ZNF98: variants seen among roughly 807,000 people sequenced by gnomAD.
The protein encoded by ZNF98 is zinc finger protein 739.
Under a neutral mutation model 12.8 loss-of-function variants are expected in ZNF98, and 8 were observed. The ratio of observed to expected loss-of-function variants is 0.63; its 90% confidence interval spans 0.37 to 1.13. ZNF98 has a LOEUF of 1.13. Ranked by LOEUF, ZNF98 falls within the 50% of genes most tolerant of loss-of-function variation. ZNF98 has a pLI of 0.01. For synonymous variants in ZNF98, 112 were observed against 223.5 expected, an observed-to-expected ratio of 0.50 and a Z score of 4.45; for missense variants, 379 against 666.1, an observed-to-expected ratio of 0.57 and a Z score of 4.74.
At chr19:22,393,481 C>G (rs1969355868) in intron 3 of ZNF98, among the ~76,000 whole-genome samples, 1 of 151,860 alleles carries the variant, frequency 6.6e-6, no homozygotes, top group Admixed American at 6.6e-5. Flanking sequence ...GGTACCAAAA[C>G]AGATATATAG....
At chr19:22,394,206 G>A (rs920357304) in intron 3 of ZNF98, among the ~76,000 whole-genome samples, 16 of 145,990 alleles carry the variant, frequency 1.1e-4, no homozygotes, top group Non-Finnish European at 1.1e-4. Context: ...GAGAGGATGT[G>A]GAGAAATAGA....
chr19:22,415,923 T>C (rs1599390898), intron 1 of ZNF98, among the ~76,000 whole-genome samples: 1 of 128,166 alleles, frequency 7.8e-6, no homozygotes, highest in Admixed American at 8.3e-5. Flanking sequence ...TGAAACCCCG[T>C]TCCTACTTAA....
Position 22,406,992 on chromosome 19 carries a change from G to A in ZNF98, c.31-3480C>T, listed in dbSNP as rs536142180. On this transcript the variant is annotated intron_variant, in intron 1 of 3. Transcript: ENST00000357774. ...TGATAACAAACTCCACTGAGCTAAA[G>A]GAGCATGTTCTAACCAAATGCAAAA... 2.0e-5 allele frequency among the ~76,000 whole-genome samples: 3 copies of A among 152,128 alleles called. No individual in the cohort carries two copies. In the East Asian group the frequency reaches 5.9e-4, roughly 30 times the overall value.
At position 22,403,521 on chromosome 19, in the gene ZNF98, C is replaced by T; in HGVS notation, c.31-9G>A. 6.3e-7 allele frequency: 1 copy of T among 1,588,036 alleles called. No homozygotes were observed. Among genetic ancestry groups the T allele is most frequent in the Non-Finnish European group, 8.5e-7 (1 of 1,172,450 alleles). On this transcript the variant is annotated splice_polypyrimidine_tract_variant and intron_variant, in intron 1 of 3. Transcript: ENST00000357774. ...CTAAATGTCAACACTCCCTGAAAAA[C>T]ATACAAACACACATACATATTTACC... is the stretch of plus-strand genomic sequence containing the variant.
rs1343335704 is a variant in ZNF98 at position 22,391,400 on chromosome 19, A to G, written c.*116T>C. 1 of 1,479,472 alleles carries G rather than the reference A, an allele frequency of 6.8e-7. No homozygotes were observed. Among genetic ancestry groups the G allele is most frequent in the Non-Finnish European group, 9.0e-7 (1 of 1,116,706 alleles). The allele number at this position is 1,479,472 out of a possible 1,614,324, so 91.6% of individuals were successfully genotyped here. A position where few individuals can be genotyped will look rare whatever the true frequency, so the allele number is the denominator to read the frequency against. Reference sequence around the variant, plus strand: ...CTTTCCTGTGCAATAAGGTTTGAGCATTGTGTAAGTTTTGCCACACTGTTC... The same window carrying G: ...CTTTCCTGTGCAATAAGGTTTGAGCGTTGTGTAAGTTTTGCCACACTGTTC... On this transcript the variant is annotated 3_prime_UTR_variant, in exon 4 of 4. Coordinates refer to ENST00000357774, the MANE Select transcript of ZNF98 (RefSeq NM_001098626.2).
At chr19:22,411,004 A>C (rs778832928) in intron 1 of ZNF98, among the ~76,000 whole-genome samples, 1 of 152,162 alleles carries the variant, frequency 6.6e-6, no homozygotes. Context: ...AGAAAACAGA[A>C]AGTAGCAATA....
rs566467822 is a variant in ZNF98, at chr19:22,400,796, T to G, written c.253+1993A>C. Among the ~76,000 whole-genome samples, 3 of 150,238 alleles carry G rather than the reference T, an allele frequency of 2.0e-5. No individual in the cohort carries two copies. The South Asian group carries it at 6.3e-4, about 32-fold the overall frequency. On this transcript the variant is annotated intron_variant, in intron 3 of 3. Transcript: ENST00000357774. Reference sequence around the variant, plus strand: ...GGTGAAACCCCATCTCTACTAAAAATATAAAAATTAGCCAGGCATGGTGGC... The same window carrying G: ...GGTGAAACCCCATCTCTACTAAAAAGATAAAAATTAGCCAGGCATGGTGGC...
chr19:22,420,087 TG>T (rs1259986912), intron 1 of ZNF98, among the ~76,000 whole-genome samples: 1 of 151,968 alleles, frequency 6.6e-6, no homozygotes, highest in African/African-American at 2.4e-5. Flanking sequence ...CACTTGAACG[TG>T]GGAGGCGGAG....
chr19:22,415,933 A>T (rs1969635837), intron 1 of ZNF98, among the ~76,000 whole-genome samples: 1 of 50,236 alleles, frequency 2.0e-5, no homozygotes, highest in African/African-American at 5.5e-5. Context: ...TTCCTACTTA[A>T]AAAAAAAAAA....
intron 3 of ZNF98, among the ~76,000 whole-genome samples, chr19:22,393,791 T>C (rs1969359982): frequency 6.6e-6 from 1 of 152,110 alleles, no homozygotes; most frequent in Admixed American, 6.6e-5. Context: ...ACTTCATGAC[T>C]AAAACACCAA....
intron 3 of ZNF98, among the ~76,000 whole-genome samples, chr19:22,395,192 A>AAG (rs944177533): frequency 1.3e-5 from 2 of 151,198 alleles, no homozygotes; most frequent in African/African-American, 4.9e-5. Context: ...AAAAAAAAAA[A>AAG]AAAAAGAAAA....
At chr19:22,416,824 T>C (rs376785520) in intron 1 of ZNF98, among the ~76,000 whole-genome samples, 26 of 150,448 alleles carry the variant, frequency 1.7e-4, no homozygotes, top group African/African-American at 4.9e-4. Context: ...CACACACACA[T>C]ACACACACAC....
chr19:22,415,931 TAAAAA>T (rs35543907), intron 1 of ZNF98, among the ~76,000 whole-genome samples: 25 of 96,784 alleles, frequency 2.6e-4, no homozygotes, highest in African/African-American at 1.0e-3. Context: ...CGTTCCTACT[TAAAAA>T]AAAAAAAAAA....
intron 1 of ZNF98, 60 bp downstream of exon 1, chr19:22,422,135 T>A: frequency 6.2e-7 from 1 of 1,606,910 alleles, no homozygotes; most frequent in Non-Finnish European, 8.5e-7. Context: ...CACAGCCTCT[T>A]CCCACCGGTT....
Position 22,422,226 on chromosome 19 carries a change from T to C in ZNF98, c.-2A>G. On this transcript the variant is annotated 5_prime_UTR_variant, in exon 1 of 4. Transcript: ENST00000357774. ...TAGGCTTCCAAGGGGTCCTGGCATC[T>C]TAGCTGTGGATTCCCAATACCTGCA... The C allele has an allele frequency of 6.2e-7, 1 of 1,612,436 alleles. No individual in the cohort carries two copies. Among genetic ancestry groups the C allele is most frequent in the Non-Finnish European group, 8.5e-7 (1 of 1,178,932 alleles).
chr19:22,415,031 C>CAGAAAAAA (rs982114713), intron 1 of ZNF98, among the ~76,000 whole-genome samples: 3 of 151,330 alleles, frequency 2.0e-5, no homozygotes, highest in African/African-American at 7.3e-5. Flanking sequence ...AACAAGTTTA[C>CAGAAAAAA]AGAAAAAAGA....
At chr19:22,412,725 G>A (rs1300789184) in intron 1 of ZNF98, among the ~76,000 whole-genome samples, 3 of 151,820 alleles carry the variant, frequency 2.0e-5, no homozygotes, top group Non-Finnish European at 4.4e-5. Context: ...GACTATGATC[G>A]AGTAGGGTTT....
chr19:22,399,696 G>A (rs1397126823), intron 3 of ZNF98, among the ~76,000 whole-genome samples: 1 of 152,040 alleles, frequency 6.6e-6, no homozygotes, highest in Non-Finnish European at 1.5e-5. Context: ...TAAAACTACT[G>A]ACAAAATTGA....
intron 3 of ZNF98, among the ~76,000 whole-genome samples, chr19:22,401,657 G>T (rs1424783031): frequency 1.3e-5 from 2 of 151,240 alleles, no homozygotes; most frequent in Non-Finnish European, 3.0e-5. Flanking sequence ...CTAATTTTTT[G>T]TATTTTTAGT....
Sources: gnomAD v4.1 joint callset for allele counts (sites outside exome capture counted in the v4.1 genomes callset) on GRCh38, gnomAD v4.1.1 for gene constraint, MANE v1.5 for transcripts, NCBI Gene and HGNC (gene_info 2026-07-23, HGNC 2026-07-21) for gene names.